Variants in STPG2 observed in about 807,000 individuals in gnomAD.
The protein encoded by STPG2 is sperm tail PG-rich repeat containing 2.
Under a neutral mutation model 54.2 loss-of-function variants are expected in STPG2, and 56 were observed. That is an observed-to-expected ratio of 1.03 (90% CI 0.83 to 1.29). The LOEUF is 1.29. Among genes scored for constraint, STPG2 ranks in the 50% most tolerant of loss-of-function variants. The pLI is 0.00. For synonymous variants in STPG2, 200 were observed against 181.8 expected, an observed-to-expected ratio of 1.10 and a Z score of -0.81; for missense variants, 596 against 544.9, an observed-to-expected ratio of 1.09 and a Z score of -0.93.
At chr4:97,692,960 GA>G (rs1384395962) in intron 10 of STPG2, among the ~76,000 whole-genome samples, 3 of 152,052 alleles carry the variant, frequency 2.0e-5, no homozygotes, top group Non-Finnish European at 4.4e-5. Flanking sequence ...CTTCATAAAT[GA>G]AGGAAAGATA....
rs553886237 is a variant in STPG2, at chr4:97,767,155, T to A, written c.1205-54341A>T. 2.6e-5 allele frequency among the ~76,000 whole-genome samples: 4 copies of A among 152,278 alleles called. No homozygotes were observed. In the South Asian group the frequency reaches 6.2e-4, roughly 24 times the overall value. On this transcript the variant is annotated intron_variant, in intron 9 of 10. Transcript: ENST00000295268. The stretch of plus-strand genomic sequence containing the variant: ...GCAAATGAAACTCAGTTGTTGATAA[T>A]TTGAGAAAGAAGCTTTATAGTGTCT...
At chr4:98,055,145 A>C (rs145869460) in intron 5 of STPG2, among the ~76,000 whole-genome samples, 1 of 152,316 alleles carries the variant, frequency 6.6e-6, no homozygotes, top group East Asian at 1.9e-4. Flanking sequence ...AGATTATAGC[A>C]GAGAAACCAA....
rs543140803 is a variant in STPG2, at chr4:97,976,952, A to C, written c.772+4207T>G. ...ATTTCAGATTCATGATATATAAATA[A>C]GCAACTCAAAATCAAAGCTGTTGGA... is the stretch of plus-strand genomic sequence containing the variant. On this transcript the variant is annotated intron_variant, in intron 6 of 10. Transcript: ENST00000295268. Among the ~76,000 whole-genome samples the C allele has an allele frequency of 2.0e-5, 3 of 152,324 alleles. No homozygotes were observed. In the South Asian group the frequency reaches 6.2e-4, roughly 32 times the overall value.
chr4:97,975,832 G>A lies in STPG2; in HGVS notation c.773-3392C>T, dbSNP rs576100607. Among the ~76,000 whole-genome samples the A allele has an allele frequency of 3.9e-5, 6 of 152,226 alleles. No individual in the cohort carries two copies. In the East Asian group the frequency reaches 1.2e-3, roughly 29 times the overall value. ...TGTCCAAGAACAATCTACAAGATAA[G>A]GGGTTTACAACTAAATGTAAATTGA... On this transcript the variant is annotated intron_variant, in intron 6 of 10. Coordinates refer to ENST00000295268, the MANE Select transcript of STPG2 (RefSeq NM_174952.3).
chr4:97,679,988 C>A (rs1722980191), intron 10 of STPG2, among the ~76,000 whole-genome samples: 1 of 152,024 alleles, frequency 6.6e-6, no homozygotes, highest in Non-Finnish European at 1.5e-5. Context: ...TGATTTATAT[C>A]TCTGTTTTGG....
chr4:98,137,917 A>G (rs755200467), intron 1 of STPG2, among the ~76,000 whole-genome samples: 2 of 151,974 alleles, frequency 1.3e-5, no homozygotes, highest in Non-Finnish European at 2.9e-5. Context: ...TATACGAGAA[A>G]TATTGAGCAC....
At chr4:97,596,679 A>C (rs1018785627) in intron 10 of STPG2, among the ~76,000 whole-genome samples, 3 of 152,196 alleles carry the variant, frequency 2.0e-5, no homozygotes, top group African/African-American at 7.2e-5. Flanking sequence ...ATAAACAATG[A>C]AATTAAGGCA....
chr4:98,018,159 C>A (rs1196817250), intron 5 of STPG2, among the ~76,000 whole-genome samples: 5 of 151,938 alleles, frequency 3.3e-5, no homozygotes, highest in Non-Finnish European at 7.4e-5. Context: ...CTAATGCTAT[C>A]CCTCCCCCCA....
chr4:97,919,036 G>A (rs967370666), intron 8 of STPG2, among the ~76,000 whole-genome samples: 1 of 152,166 alleles, frequency 6.6e-6, no homozygotes, highest in Non-Finnish European at 1.5e-5. Context: ...AATCATGGAA[G>A]TATGCTTGAA....
At chr4:98,042,017 T>A (rs112501840) in intron 5 of STPG2, among the ~76,000 whole-genome samples, 1 of 151,994 alleles carries the variant, frequency 6.6e-6, no homozygotes, top group Non-Finnish European at 1.5e-5. Context: ...CACTACTTGT[T>A]ATTGCTCTGT....
In STPG2 at chr4:97,771,131, T is replaced by C. The variant is rs113440599; in HGVS notation, c.1205-58317A>G. On this transcript the variant is annotated intron_variant, in intron 9 of 10. Coordinates refer to ENST00000295268, the MANE Select transcript of STPG2 (RefSeq NM_174952.3). The stretch of plus-strand genomic sequence containing the variant: ...TGAATATACTGAATGCTGCCATTAT[T>C]TCTTGTACTTGTGAACAAGGAATTT... Among the ~76,000 whole-genome samples the C allele has an allele frequency of 5.7e-3, 866 of 152,308 alleles. 5 individuals are homozygous for C. The highest frequency in any genetic ancestry group is 0.02 in the Middle Eastern group (6 of 294).
intron 4 of STPG2, among the ~76,000 whole-genome samples, chr4:97,481,818 C>T (rs1730227882): frequency 1.3e-5 from 2 of 151,340 alleles, no homozygotes; most frequent in Admixed American, 6.6e-5. Flanking sequence ...ACTTCTTTTC[C>T]AATCAGTATG....
chr4:97,563,632 T>C (rs534414247), intron 10 of STPG2, among the ~76,000 whole-genome samples: 2 of 152,348 alleles, frequency 1.3e-5, no homozygotes, highest in East Asian at 1.9e-4. Flanking sequence ...GATTCTTGTA[T>C]GTTGTGTCTT....
chr4:97,658,138 T>C (rs1179451109), intron 10 of STPG2, among the ~76,000 whole-genome samples: 1 of 152,244 alleles, frequency 6.6e-6, no homozygotes, highest in Admixed American at 6.5e-5. Context: ...TTGTAACAAT[T>C]AGAGTGTCAA....
chr4:97,566,610 C>T (rs929948894), intron 10 of STPG2, among the ~76,000 whole-genome samples: 5 of 152,078 alleles, frequency 3.3e-5, no homozygotes, highest in Admixed American at 1.3e-4. Context: ...CTATTCACAA[C>T]AGCAAAGACT....
intron 9 of STPG2, among the ~76,000 whole-genome samples, chr4:97,740,308 C>T (rs1350965390): frequency 6.6e-6 from 1 of 152,120 alleles, no homozygotes; most frequent in Admixed American, 6.5e-5. Flanking sequence ...TGGCACAAGA[C>T]AGGGATGCCC....
At chr4:97,898,709 CAACTT>C (rs773993810) in intron 8 of STPG2, among the ~76,000 whole-genome samples, 2 of 151,462 alleles carry the variant, frequency 1.3e-5, no homozygotes, top group Non-Finnish European at 3.0e-5. Context: ...AGATTACAAA[CAACTT>C]AAGTGCAATG....
intron 8 of STPG2, among the ~76,000 whole-genome samples, chr4:97,861,372 G>A (rs765238330): frequency 1.3e-5 from 2 of 152,126 alleles, no homozygotes; most frequent in African/African-American, 2.4e-5. Context: ...AGAGAAAAGG[G>A]AGCCTTTGGC....
intron 8 of STPG2, among the ~76,000 whole-genome samples, chr4:97,854,822 T>C (rs13137053): frequency 9.2e-5 from 14 of 152,138 alleles, no homozygotes; most frequent in Non-Finnish European, 1.6e-4. Flanking sequence ...GCAATTTTGG[T>C]TTGCTGAACA....
Sources: gnomAD v4.1 joint callset for allele counts (sites outside exome capture counted in the v4.1 genomes callset) on GRCh38, gnomAD v4.1.1 for gene constraint, MANE v1.5 for transcripts, NCBI Gene and HGNC (gene_info 2026-07-23, HGNC 2026-07-21) for gene names.